BICDL1: variants seen among roughly 807,000 people sequenced by gnomAD.
BICDL1 encodes the protein BICD family-like cargo adapter 1.
In BICDL1, 20 loss-of-function variants were observed where a neutral mutation model predicts 76.8. That is an observed-to-expected ratio of 0.26 (90% CI 0.18 to 0.38). The LOEUF is 0.38. Among genes scored for constraint, BICDL1 ranks in the 10% least tolerant of loss-of-function variants. The pLI, the probability that BICDL1 is intolerant of heterozygous loss-of-function variation, is 1.00. For missense variants in BICDL1, 700 were observed against 798.6 expected (o/e 0.88, Z 1.49); for synonymous variants, 383 against 337.1 (o/e 1.14, Z -1.49).
rs1350835770 is a variant in BICDL1 at position 119,989,964 on chromosome 12, C to T, written c.96C>T (p.Asp32=). The change falls in exon 1 of 10, where the codon GAC becomes GAT. Residue 32 remains aspartate (D), a synonymous_variant. Coordinates refer to ENST00000548673, the MANE Select transcript of BICDL1 (RefSeq NM_001367886.1). ...CCMELPAAAG[D]AVRSPAAAAA... ...TGGAGCTGCCCGCCGCGGCCGGGGA[C>T]GCAGTCCGGAGTCCCGCCGCCGCCG... 5 of 1,466,038 alleles carry T rather than the reference C, an allele frequency of 3.4e-6. No homozygotes were observed. The East Asian group carries it at 1.4e-4, about 40-fold the overall frequency. 90.8% of individuals were successfully genotyped at this position (1,466,038 alleles called of 1,614,324 possible).
At chr12:120,059,015 A>G (rs1369590467) in intron 2 of BICDL1, among the ~76,000 whole-genome samples, 2 of 152,192 alleles carry the variant, frequency 1.3e-5, no homozygotes, top group Non-Finnish European at 2.9e-5. Flanking sequence ...ATGAAAAATT[A>G]TTTCAAAATA....
rs57089775 is a variant in BICDL1 at position 120,040,751 on chromosome 12, C to CTTTTT, written c.646-20948_646-20944dup. On this transcript the variant is annotated intron_variant, in intron 2 of 9. Coordinates refer to ENST00000548673, the MANE Select transcript of BICDL1 (RefSeq NM_001367886.1). Reference sequence around the variant, plus strand: ...ATGTTGGAACATTTAATAGGAAATACTTTTTTTTTTTTTTTGTAGACAGTC... The same window carrying CTTTTT: ...ATGTTGGAACATTTAATAGGAAATACTTTTTTTTTTTTTTTTTTTTGTAGACAGTC... Among the ~76,000 whole-genome samples, 14 of 134,302 alleles carry CTTTTT rather than the reference C, an allele frequency of 1.0e-4. 2 individuals are homozygous for CTTTTT. Among genetic ancestry groups the CTTTTT allele is most frequent in the South Asian group, 4.6e-4 (2 of 4,362 alleles). 88.1% of individuals were successfully genotyped at this position (134,302 alleles called of 152,430 possible).
chr12:120,078,428 A>G (rs1873732322), intron 7 of BICDL1, among the ~76,000 whole-genome samples: 1 of 152,176 alleles, frequency 6.6e-6, no homozygotes, highest in Non-Finnish European at 1.5e-5. Context: ...CACCCACCTT[A>G]TTTGGGAAAA....
In BICDL1 at chr12:120,093,310, C is replaced by G; in HGVS notation, c.*149C>G. 1 of 901,162 alleles carries G rather than the reference C, an allele frequency of 1.1e-6. No homozygotes were observed. The allele number at this position is 901,162 out of a possible 1,614,324, so 55.8% of individuals were successfully genotyped here. A position where few individuals can be genotyped will look rare whatever the true frequency, so the allele number is the denominator to read the frequency against. On this transcript the variant is annotated 3_prime_UTR_variant, in exon 10 of 10. Transcript: ENST00000548673. ...GGGTCCGGGAGGGCCTGCTCCCTTT[C>G]GTCGGTGGGGATGGAGACCTAGAGG...
In BICDL1 at chr12:120,089,983, G is replaced by A. The variant is rs745366703; in HGVS notation, c.1616G>A (p.Cys539Tyr). 1.2e-6 allele frequency: 2 copies of A among 1,614,182 alleles called. No individual in the cohort carries two copies. The highest frequency in any genetic ancestry group is 1.1e-5 in the South Asian group (1 of 91,086). Residue 539 changes from cysteine to tyrosine, a missense_variant, in exon 9 of 10, where the codon TGC (cysteine) becomes TAC (tyrosine). Physicochemically the swap from Cys to Tyr is radical, Grantham distance 194. This residue lies in a region of BICDL1 where 455 missense variants were observed against 548.7 expected (regional missense o/e 0.83). Transcript: ENST00000548673. ...KNAVELELAKCRMDMMSLNSQ... is the reference protein window; with the variant it reads ...KNAVELELAKYRMDMMSLNSQ... The stretch of plus-strand genomic sequence containing the variant: ...GCTGTGGAGCTGGAACTTGCCAAGT[G>A]CAGGATGGATATGATGTCTCTGAAC...
In BICDL1 at chr12:120,071,164, G is replaced by A. The variant is rs1409603539; in HGVS notation, c.910-458G>A. Among the ~76,000 whole-genome samples the A allele has an allele frequency of 6.6e-6, 1 of 150,470 alleles. No homozygotes were observed. Among genetic ancestry groups the A allele is most frequent in the African/African-American group, 2.4e-5 (1 of 40,838 alleles). On this transcript the variant is annotated intron_variant, in intron 4 of 9. Transcript: ENST00000548673. The surrounding 1 kb of genome is among the most constrained non-coding windows in gnomAD (Gnocchi z 4.8). ...CTTTTTTCTTTTTTTCTTTTTTGAG[G>A]TGGCGTCTCGCACTGTCACCCAGGT...
At position 120,079,623 on chromosome 12, in the gene BICDL1, A is replaced by G. The variant is rs1873817909; in HGVS notation, c.1453-1264A>G. 6.6e-6 allele frequency among the ~76,000 whole-genome samples: 1 copy of G among 152,238 alleles called. No homozygotes were observed. Among genetic ancestry groups the G allele is most frequent in the African/African-American group, 2.4e-5 (1 of 41,458 alleles). On this transcript the variant is annotated intron_variant, in intron 7 of 9. Coordinates refer to ENST00000548673, the MANE Select transcript of BICDL1 (RefSeq NM_001367886.1). The surrounding 1 kb of genome is among the most constrained non-coding windows in gnomAD (Gnocchi z 4.3). ...GGCTCCCACCCTTTCATTATTCAAT[A>G]AATATTTATTGAAAGCTCTACCAGG...
chr12:120,062,018 C>T (rs1196532491), intron 3 of BICDL1, among the ~76,000 whole-genome samples, 192 bp downstream of exon 3: 1 of 152,108 alleles, frequency 6.6e-6, no homozygotes, highest in Non-Finnish European at 1.5e-5. Flanking sequence ...GAGTTACTGC[C>T]GGGTGTGTTG....
intron 2 of BICDL1, among the ~76,000 whole-genome samples, chr12:120,025,503 T>G (rs1037662584): frequency 6.6e-6 from 1 of 152,176 alleles, no homozygotes; most frequent in Non-Finnish European, 1.5e-5. Context: ...TTTGCACCCG[T>G]GTTCTCTCTT....
intron 2 of BICDL1, among the ~76,000 whole-genome samples, chr12:120,017,591 G>T (rs1422548484): frequency 1.3e-5 from 2 of 152,050 alleles, no homozygotes; most frequent in Non-Finnish European, 2.9e-5. Context: ...AATAAGCTGG[G>T]CATGGTGGCA....
chr12:120,091,170 C>A, intron 9 of BICDL1: 1 of 1,205,032 alleles, frequency 8.3e-7, no homozygotes, highest in South Asian at 1.5e-5. Context: ...CAGCTCCCTC[C>A]TCCATCACAG....
At chr12:120,007,598 C>G (rs1346844327) in intron 2 of BICDL1, among the ~76,000 whole-genome samples, 5 of 152,220 alleles carry the variant, frequency 3.3e-5, no homozygotes, top group African/African-American at 9.6e-5. Flanking sequence ...CAGTCAGCCT[C>G]TAATGCCTTA....
chr12:120,093,488 A>G lies in BICDL1; in HGVS notation c.*327A>G, dbSNP rs1875163504. The stretch of plus-strand genomic sequence containing the variant: ...GGGCTTTGCAGCTCACACCCAACAG[A>G]TCGCAGCCCACCCCCAGGCACTGCT... On this transcript the variant is annotated 3_prime_UTR_variant, in exon 10 of 10. Coordinates refer to ENST00000548673, the MANE Select transcript of BICDL1 (RefSeq NM_001367886.1). The G allele has an allele frequency of 3.2e-6, 1 of 308,858 alleles. No homozygotes were observed. The allele number at this position is 308,858 out of a possible 1,614,324, so 19.1% of individuals were successfully genotyped here. A position where few individuals can be genotyped will look rare whatever the true frequency, so the allele number is the denominator to read the frequency against.
intron 2 of BICDL1, among the ~76,000 whole-genome samples, chr12:120,053,227 G>A (rs1038679209): frequency 1.3e-5 from 2 of 152,172 alleles, no homozygotes; most frequent in African/African-American, 4.8e-5. Context: ...TGGGATTACA[G>A]GCATGTGCCA....
chr12:120,057,147 T>C (rs1952991916), intron 2 of BICDL1: 1 of 516,888 alleles, frequency 1.9e-6, no homozygotes, highest in Non-Finnish European at 3.9e-6. Flanking sequence ...AGGTTCCCAA[T>C]TATTACAGAG....
At chr12:120,038,742 A>G (rs1952574489) in intron 2 of BICDL1, among the ~76,000 whole-genome samples, 1 of 152,300 alleles carries the variant, frequency 6.6e-6, no homozygotes, top group African/African-American at 2.4e-5. Flanking sequence ...TTTTAGGGAG[A>G]TAACTTACTG....
chr12:120,039,314 A>G (rs956083490), intron 2 of BICDL1, among the ~76,000 whole-genome samples: 1 of 149,322 alleles, frequency 6.7e-6, no homozygotes, highest in African/African-American at 2.5e-5. Flanking sequence ...AAAAGAAAAG[A>G]AAACAAGAAC....
chr12:120,021,411 A>G (rs1292423705), intron 2 of BICDL1, among the ~76,000 whole-genome samples: 2 of 149,854 alleles, frequency 1.3e-5, no homozygotes, highest in Non-Finnish European at 3.0e-5. Flanking sequence ...ACATGGTGAA[A>G]CCCCATCTCT....
intron 8 of BICDL1, among the ~76,000 whole-genome samples, chr12:120,085,822 G>C (rs1327855055): frequency 1.5e-4 from 19 of 130,330 alleles, no homozygotes; most frequent in African/African-American, 5.4e-4. Context: ...AAAAAAAAAA[G>C]GCAGAATGAA....
Sources: allele counts gnomAD v4.1 joint callset (sites outside exome capture counted in the v4.1 genomes callset), GRCh38; gene constraint gnomAD v4.1.1; regional missense constraint gnomAD v4.1.1; non-coding constraint Gnocchi (gnomAD v3.1); transcripts MANE v1.5; gene names NCBI Gene and HGNC (gene_info 2026-07-23, HGNC 2026-07-21).